The following LRMDA variants were observed in gnomAD, a reference collection of about 807,000 sequenced individuals.
The protein encoded by LRMDA is leucine-rich melanocyte differentiation-associated protein.
Under a neutral mutation model 29.8 loss-of-function variants are expected in LRMDA, and 18 were observed. That is an observed-to-expected ratio of 0.60 (90% CI 0.42 to 0.90). The LOEUF is 0.90. Ranked by LOEUF, LRMDA falls within the 40% of genes least tolerant of loss-of-function variation. The pLI is 0.00. For synonymous variants in LRMDA, 125 were observed against 109.4 expected (o/e 1.14, Z -0.89); for missense variants, 273 against 273.9 (o/e 1.00, Z 0.02).
At chr10:76,319,848 G>A (rs760859075) in intron 5 of LRMDA, among the ~76,000 whole-genome samples, 1 of 152,152 alleles carries the variant, frequency 6.6e-6, no homozygotes, top group Non-Finnish European at 1.5e-5. Flanking sequence ...CTGAGTGATG[G>A]GGAATGAGTT....
At chr10:75,462,491 T>C (rs1352273500) in intron 2 of LRMDA, among the ~76,000 whole-genome samples, 2 of 152,226 alleles carry the variant, frequency 1.3e-5, no homozygotes, top group Non-Finnish European at 2.9e-5. Context: ...GTGCTCATTC[T>C]GTGAGATACT....
At chr10:75,439,520 G>A (rs149242371) in intron 2 of LRMDA, among the ~76,000 whole-genome samples, 196 of 152,344 alleles carry the variant, frequency 1.3e-3, no homozygotes, top group Non-Finnish European at 2.3e-3. Context: ...ACAACTCAGG[G>A]TAATAAGGCA....
At chr10:75,585,680 A>C (rs184959820) in intron 2 of LRMDA, among the ~76,000 whole-genome samples, 11 of 152,346 alleles carry the variant, frequency 7.2e-5, no homozygotes, top group African/African-American at 2.6e-4. Context: ...TTATTGTGGT[A>C]AGAACATTTA....
At position 76,558,645 on chromosome 10, in the gene LRMDA, G is replaced by A. The variant is rs563118454; in HGVS notation, c.*1357G>A. ...GGTCAGTTTGATGACAGCAAAACCT[G>A]AAAGAGAATCCCTCCAAGTTATAGA... On this transcript the variant is annotated 3_prime_UTR_variant, in exon 7 of 7. Coordinates refer to ENST00000611255, the MANE Select transcript of LRMDA (RefSeq NM_001305581.2). 5.3e-5 allele frequency: 8 copies of A among 152,328 alleles called. No individual in the cohort carries two copies. The highest frequency in any genetic ancestry group is 1.9e-4 in the African/African-American group (8 of 41,576). 9.4% of individuals were successfully genotyped at this position (152,328 alleles called of 1,614,324 possible).
At chr10:76,341,500 A>G (rs568858571) in intron 6 of LRMDA, among the ~76,000 whole-genome samples, 4 of 152,330 alleles carry the variant, frequency 2.6e-5, no homozygotes, top group East Asian at 1.9e-4. Flanking sequence ...GTCAACATAA[A>G]CACTCATTGT....
chr10:75,534,894 C>T (rs1243799364), intron 2 of LRMDA, among the ~76,000 whole-genome samples: 1 of 152,108 alleles, frequency 6.6e-6, no homozygotes, highest in Non-Finnish European at 1.5e-5. Flanking sequence ...AGGGGAAAGT[C>T]TTGCTAGTAT....
At chr10:76,422,045 G>A (rs1360037699) in intron 6 of LRMDA, among the ~76,000 whole-genome samples, 1 of 152,102 alleles carries the variant, frequency 6.6e-6, no homozygotes, top group Non-Finnish European at 1.5e-5. Context: ...TCTATTTCCA[G>A]TTGCCCTTCC....
chr10:75,851,758 C>T (rs1162528965), intron 2 of LRMDA, among the ~76,000 whole-genome samples: 2 of 152,130 alleles, frequency 1.3e-5, no homozygotes, highest in Non-Finnish European at 2.9e-5. Context: ...ATTAGAAGTC[C>T]ATGCTCCTAT....
chr10:75,959,133 A>C (rs557521792), intron 2 of LRMDA, among the ~76,000 whole-genome samples: 3 of 152,312 alleles, frequency 2.0e-5, no homozygotes, highest in African/African-American at 7.2e-5. Context: ...GGCAGATCTG[A>C]GAAATCAGCT....
chr10:76,276,043 ATCTATCTATC>A (rs1359322708), intron 5 of LRMDA, among the ~76,000 whole-genome samples: 40 of 146,894 alleles, frequency 2.7e-4, no homozygotes, highest in African/African-American at 7.9e-4. Flanking sequence ...CTATCTATCT[ATCTATCTATC>A]TCTTTCTTTC....
At chr10:75,705,881 T>A (rs1842360220) in intron 2 of LRMDA, among the ~76,000 whole-genome samples, 1 of 152,218 alleles carries the variant, frequency 6.6e-6, no homozygotes, top group African/African-American at 2.4e-5. Flanking sequence ...TTTGCATTTT[T>A]AAAAATCATT....
Position 75,910,895 on chromosome 10 carries a change from C to A in LRMDA, c.132-125113C>A, listed in dbSNP as rs115491118. Among the ~76,000 whole-genome samples, 991 of 152,170 alleles carry A rather than the reference C, an allele frequency of 6.5e-3. 7 individuals are homozygous for A. The highest frequency in any genetic ancestry group is 0.022 in the African/African-American group (929 of 41,484). ...TGGGTTCTCTGTCTCTTGTTTGGTGCGAGACAGGGTGCAGGATTTTCTTTT... is the reference window on the plus strand; with the variant it reads ...TGGGTTCTCTGTCTCTTGTTTGGTGAGAGACAGGGTGCAGGATTTTCTTTT... On this transcript the variant is annotated intron_variant, in intron 2 of 6. Transcript: ENST00000611255.
In LRMDA at chr10:76,157,872, G is replaced by A. The variant is rs574909877; in HGVS notation, c.516+99089G>A. Among the ~76,000 whole-genome samples, 24 of 152,204 alleles carry A rather than the reference G, an allele frequency of 1.6e-4. No individual in the cohort carries two copies. In the South Asian group the frequency reaches 3.9e-3, roughly 25 times the overall value. ...ATGGTATAGCATGCAATACACCTAG[G>A]CCATATGGTATAGCCTATTGCTCCT... On this transcript the variant is annotated intron_variant, in intron 5 of 6. Coordinates refer to ENST00000611255, the MANE Select transcript of LRMDA (RefSeq NM_001305581.2).
intron 5 of LRMDA, among the ~76,000 whole-genome samples, chr10:76,145,755 C>T (rs530251975): frequency 2.0e-5 from 3 of 152,096 alleles, no homozygotes; most frequent in Admixed American, 6.5e-5. Context: ...TTTGGTCTTG[C>T]TTTTCTAGTT....
At chr10:75,564,523 A>G (rs1380711300) in intron 2 of LRMDA, among the ~76,000 whole-genome samples, 1 of 152,174 alleles carries the variant, frequency 6.6e-6, no homozygotes, top group African/African-American at 2.4e-5. Flanking sequence ...CAGCGCGCGC[A>G]TGGTGCGCTG....
At chr10:75,706,872 T>A (rs2132173909) in intron 2 of LRMDA, among the ~76,000 whole-genome samples, 1 of 152,144 alleles carries the variant, frequency 6.6e-6, no homozygotes, top group East Asian at 1.9e-4. Context: ...TGTAGATAGA[T>A]GAAGTGGTGG....
chr10:76,020,541 T>G (rs1001099234), intron 2 of LRMDA, among the ~76,000 whole-genome samples: 3 of 152,168 alleles, frequency 2.0e-5, no homozygotes, highest in Non-Finnish European at 2.9e-5. Flanking sequence ...TTTTATTCCT[T>G]CAACCCCAGT....
At chr10:75,872,948 A>G (rs1845138360) in intron 2 of LRMDA, among the ~76,000 whole-genome samples, 1 of 152,176 alleles carries the variant, frequency 6.6e-6, no homozygotes, top group Admixed American at 6.5e-5. Flanking sequence ...CATTGAATCC[A>G]GTACCTTGCT....
intron 5 of LRMDA, among the ~76,000 whole-genome samples, chr10:76,146,994 A>G (rs1462166281): frequency 1.3e-5 from 2 of 152,166 alleles, no homozygotes; most frequent in African/African-American, 4.8e-5. Flanking sequence ...TCTTTTCTTA[A>G]GAATGTTGAA....
Sources: gnomAD v4.1 joint callset for allele counts (sites outside exome capture counted in the v4.1 genomes callset) on GRCh38, gnomAD v4.1.1 for gene constraint, MANE v1.5 for transcripts, NCBI Gene and HGNC (gene_info 2026-07-23, HGNC 2026-07-21) for gene names.